ARCN1: variants seen among roughly 807,000 people sequenced by gnomAD.
ARCN1 encodes archain 1 coat protein complex I subunit delta, also known as coatomer subunit delta.
A neutral mutation model predicts 60.4 loss-of-function variants in ARCN1; 5 were observed. The ratio of observed to expected loss-of-function variants is 0.08; its 90% CI spans 0.04 to 0.17. The LOEUF is 0.17. Among genes scored for constraint, ARCN1 ranks in the 10% least tolerant of loss-of-function variants. The pLI is 1.00. For missense variants in ARCN1, 464 were observed against 626.5 expected (o/e 0.74, Z 2.77); for synonymous variants, 224 against 220.0 (o/e 1.02, Z -0.16).
In ARCN1 at chr11:118,599,430, ATTG is replaced by A. The variant is rs1249382206; in HGVS notation, c.1447-1183_1447-1181del. Among the ~76,000 whole-genome samples, 48 of 149,386 alleles carry A rather than the reference ATTG, an allele frequency of 3.2e-4. 1 individual carries two copies. The highest frequency in any genetic ancestry group is 2.5e-3 in the South Asian group (12 of 4,736). ...TTAACTCATCATTCTTCCAGTTTTT[ATTG>A]TTGTTGTTGTTTTGAGACGGAGTCT... On this transcript the variant is annotated intron_variant, in intron 9 of 9. Transcript: ENST00000264028.
chr11:118,596,015 T>C (rs1223879228), intron 8 of ARCN1, among the ~76,000 whole-genome samples: 1 of 151,114 alleles, frequency 6.6e-6, no homozygotes, highest in East Asian at 1.9e-4. Flanking sequence ...TGCAGTGAGC[T>C]GAGATCGCGC....
chr11:118,580,503 G>T (rs1938626221), intron 1 of ARCN1, among the ~76,000 whole-genome samples: 1 of 151,882 alleles, frequency 6.6e-6, no homozygotes, highest in Admixed American at 6.6e-5. Context: ...GACTATGGAA[G>T]GATTCAAAAC....
At chr11:118,594,668 G>A (rs1555076864) in intron 8 of ARCN1, among the ~76,000 whole-genome samples, 1 of 152,026 alleles carries the variant, frequency 6.6e-6, no homozygotes, top group Non-Finnish European at 1.5e-5. Flanking sequence ...TCCTGCCTCA[G>A]CCTCCCGAGT....
intron 1 of ARCN1, among the ~76,000 whole-genome samples, chr11:118,579,392 G>A (rs1938597988): frequency 1.3e-5 from 2 of 151,908 alleles, no homozygotes; most frequent in African/African-American, 4.8e-5. Flanking sequence ...AGCCAAAATA[G>A]GCCGGGCGGT....
At chr11:118,595,834 G>A (rs544335107) in intron 8 of ARCN1, among the ~76,000 whole-genome samples, 2 of 152,296 alleles carry the variant, frequency 1.3e-5, no homozygotes, top group South Asian at 2.1e-4. Context: ...TTGGGAGGCC[G>A]AGGCGGGCGG....
chr11:118,590,225 C>T (rs1938869542), intron 5 of ARCN1, 116 bp from the exon 6 acceptor site: 2 of 713,782 alleles, frequency 2.8e-6, no homozygotes, highest in South Asian at 3.8e-5. Flanking sequence ...GAACTCCCCA[C>T]CTCAGGTGAT....
At chr11:118,582,821 AC>A (rs1162386950) in intron 2 of ARCN1, among the ~76,000 whole-genome samples, 1 of 151,650 alleles carries the variant, frequency 6.6e-6, no homozygotes, top group African/African-American at 2.4e-5. Flanking sequence ...CAAGCGGATC[AC>A]CTGAGGTCAG....
intron 8 of ARCN1, among the ~76,000 whole-genome samples, chr11:118,596,050 G>A (rs1179117016): frequency 1.3e-5 from 2 of 151,360 alleles, no homozygotes; most frequent in East Asian, 3.9e-4. Flanking sequence ...CTGGGTGACA[G>A]AGCGAGATTC....
chr11:118,597,916 TC>T lies in ARCN1; in HGVS notation c.1446+7del, dbSNP rs1939065116. The T allele has an allele frequency of 2.5e-6, 4 of 1,613,988 alleles. No homozygotes were observed. In the Admixed American group the frequency reaches 6.7e-5, roughly 27 times the overall value. ...AAAAATTACTGTAACATACAGGTACTCCATTTTAGTTGAGAACATATATAGG... is the reference window on the plus strand; with the variant it reads ...AAAAATTACTGTAACATACAGGTACTCATTTTAGTTGAGAACATATATAGG... On this transcript the variant is annotated splice_donor_region_variant and intron_variant, in intron 9 of 9. Coordinates refer to ENST00000264028, the MANE Select transcript of ARCN1 (RefSeq NM_001655.5).
intron 6 of ARCN1, among the ~76,000 whole-genome samples, chr11:118,592,038 A>G: frequency 6.6e-6 from 1 of 151,842 alleles, no homozygotes; most frequent in Admixed American, 6.6e-5. Context: ...CTCCTGCCTC[A>G]GCCTCTCGAG....
chr11:118,574,495 C>T (rs1938436373), intron 1 of ARCN1, among the ~76,000 whole-genome samples: 1 of 151,946 alleles, frequency 6.6e-6, no homozygotes, highest in South Asian at 2.1e-4. Context: ...CTATAACTAA[C>T]ATTTCACTAT....
intron 2 of ARCN1, among the ~76,000 whole-genome samples, chr11:118,582,209 C>A (rs1272980080): frequency 2.6e-5 from 4 of 152,086 alleles, no homozygotes; most frequent in African/African-American, 9.7e-5. Context: ...ATGGTGCAAT[C>A]TCGGCTCACT....
chr11:118,590,648 AAT>A, intron 6 of ARCN1, 142 bp downstream of exon 6: 1 of 830,568 alleles, frequency 1.2e-6, no homozygotes, highest in Non-Finnish European at 1.8e-6. Context: ...GAAAGAAGTT[AAT>A]ATATTGCATA....
intron 1 of ARCN1, among the ~76,000 whole-genome samples, chr11:118,577,760 A>G (rs1591381295): frequency 6.6e-6 from 1 of 152,330 alleles, no homozygotes. Context: ...AGCATGTTGT[A>G]TGTATAGTAG....
chr11:118,585,313 A>G (rs775246551), intron 5 of ARCN1, among the ~76,000 whole-genome samples: 14 of 151,934 alleles, frequency 9.2e-5, no homozygotes, highest in Non-Finnish European at 1.9e-4. Context: ...CCTATTTTCT[A>G]TGAAGTTTAG....
At chr11:118,589,946 T>G (rs146983434) in intron 5 of ARCN1, among the ~76,000 whole-genome samples, 1 of 152,216 alleles carries the variant, frequency 6.6e-6, no homozygotes, top group South Asian at 2.1e-4. Flanking sequence ...GGCTAATCAT[T>G]AGACCTTGGA....
intron 1 of ARCN1, among the ~76,000 whole-genome samples, chr11:118,574,192 A>G (rs1411630526): frequency 7.9e-5 from 12 of 152,144 alleles, no homozygotes; most frequent in African/African-American, 2.7e-4. Flanking sequence ...ACTTAACATG[A>G]TCCAGATACC....
chr11:118,583,664 G>A, intron 3 of ARCN1, 145 bp from the exon 4 acceptor site: 1 of 851,926 alleles, frequency 1.2e-6, no homozygotes, highest in South Asian at 1.8e-5. Flanking sequence ...AGGCTGAGAT[G>A]GGAGGATCAC....
Position 118,583,372 on chromosome 11 carries a change from T to C in ARCN1, c.447+14T>C, listed in dbSNP as rs1565361051. The C allele has an allele frequency of 1.9e-6, 3 of 1,592,724 alleles. No homozygotes were observed. Among genetic ancestry groups the C allele is most frequent in the South Asian group, 2.3e-5 (2 of 87,790 alleles). On this transcript the variant is annotated intron_variant, in intron 3 of 9. Coordinates refer to ENST00000264028, the MANE Select transcript of ARCN1 (RefSeq NM_001655.5). The stretch of plus-strand genomic sequence containing the variant: ...GCCGTCAGAGAGGTAAATAGGATCT[T>C]CTCTGGGACTACCTGTTTGTATGTC...
Sources: gnomAD v4.1 joint callset for allele counts (sites outside exome capture counted in the v4.1 genomes callset) on GRCh38, gnomAD v4.1.1 for gene constraint, MANE v1.5 for transcripts, NCBI Gene and HGNC (gene_info 2026-07-23, HGNC 2026-07-21) for gene names.